The following CD302 variants were observed in gnomAD, a reference collection of about 807,000 sequenced individuals.
CD302 encodes CD302 molecule, also known as CD302 antigen.
In CD302, 23 loss-of-function variants were observed where a neutral mutation model predicts 26.5. The observed-to-expected ratio is 0.87, with a 90% confidence interval of 0.62 to 1.23. CD302 has a LOEUF of 1.23. Ranked by LOEUF, CD302 falls within the 50% of genes most tolerant of loss-of-function variation. CD302 has a pLI of 0.00. For synonymous variants in CD302, 90 were observed against 99.4 expected, an observed-to-expected ratio of 0.91 and a Z score of 0.56; for missense variants, 290 against 275.5, an observed-to-expected ratio of 1.05 and a Z score of -0.37.
intron 1 of CD302, among the ~76,000 whole-genome samples, chr2:159,787,741 T>G (rs72996690): frequency 6.6e-6 from 1 of 152,168 alleles, no homozygotes; most frequent in African/African-American, 2.4e-5. Context: ...ACTGGGATAA[T>G]TTTCCATTTG....
chr2:159,793,493 A>C (rs1708863152), intron 1 of CD302, among the ~76,000 whole-genome samples: 1 of 152,122 alleles, frequency 6.6e-6, no homozygotes, highest in Non-Finnish European at 1.5e-5. Flanking sequence ...ACTTGTTCTA[A>C]ATGTTAACAA....
At chr2:159,793,211 A>G (rs1408965752) in intron 1 of CD302, among the ~76,000 whole-genome samples, 2 of 152,160 alleles carry the variant, frequency 1.3e-5, no homozygotes, top group Admixed American at 1.3e-4. Flanking sequence ...GGGATTTTAT[A>G]ATTTTATAAT....
intron 2 of CD302, 47 bp from the exon 3 acceptor site, chr2:159,781,045 G>T: frequency 6.8e-7 from 1 of 1,479,374 alleles, no homozygotes; most frequent in Non-Finnish European, 9.3e-7. Context: ...TCCAGAATCA[G>T]TGAAAATCAC....
chr2:159,782,399 C>T (rs1279769755), intron 2 of CD302, among the ~76,000 whole-genome samples: 2 of 116,180 alleles, frequency 1.7e-5, no homozygotes, highest in Admixed American at 2.3e-4. Context: ...GGCGACAGAG[C>T]GAGACTCCAT....
chr2:159,794,526 ATTTATTT>A (rs756874075), intron 1 of CD302, among the ~76,000 whole-genome samples: 1,960 of 148,532 alleles, frequency 0.013, 19 homozygotes, highest in Admixed American at 0.015. Flanking sequence ...TAATTAATTT[ATTTATTT>A]ATTTATTTAT....
chr2:159,791,980 T>C (rs1463145414), intron 1 of CD302, among the ~76,000 whole-genome samples: 2 of 152,200 alleles, frequency 1.3e-5, no homozygotes, highest in African/African-American at 2.4e-5. Context: ...TGTAAAAAAT[T>C]AGCAGCTTAA....
intron 1 of CD302, among the ~76,000 whole-genome samples, chr2:159,784,393 T>C (rs1708607920): frequency 7.3e-6 from 1 of 136,648 alleles, no homozygotes. Flanking sequence ...TCTTGTACTG[T>C]CGTCCTGGCT....
chr2:159,784,423 T>C (rs1708609085), intron 1 of CD302, among the ~76,000 whole-genome samples: 1 of 132,712 alleles, frequency 7.5e-6, no homozygotes, highest in South Asian at 2.6e-4. Flanking sequence ...TGGCGCGATC[T>C]CAGCTCACTG....
In CD302 at chr2:159,780,143, T is replaced by C; in HGVS notation, c.331A>G (p.Thr111Ala). 1.2e-6 allele frequency: 2 copies of C among 1,614,042 alleles called. No individual in the cohort carries two copies. The highest frequency in any genetic ancestry group is 1.7e-6 in the Non-Finnish European group (2 of 1,179,958). The stretch of plus-strand genomic sequence containing the variant: ...TCTTGGTCTGTCCACTTATCAAATG[T>C]CATATTTGAATTATCAAACCACTTG... ...SFKWFDNSNM[T>A]FDKWTDQDDD... is the part of the protein sequence containing the mutation. The change falls in exon 4 of 6, where the codon ACA becomes GCA. Residue 111 changes from threonine (T) to alanine (A), a missense_variant. Transcript: ENST00000259053.
chr2:159,774,634 C>T (rs1383469774), intron 5 of CD302, among the ~76,000 whole-genome samples: 4 of 152,184 alleles, frequency 2.6e-5, no homozygotes, highest in Admixed American at 2.6e-4. Context: ...GATAACCTGT[C>T]CTCTGTCTCC....
At position 159,780,119 on chromosome 2, in the gene CD302, C is replaced by T. The variant is rs754295690; in HGVS notation, c.355G>A (p.Asp119Asn). The T allele has an allele frequency of 1.4e-5, 22 of 1,614,056 alleles. No individual in the cohort carries two copies. In the Admixed American group the frequency reaches 3.5e-4, roughly 26 times the overall value. Residue 119 changes from aspartate to asparagine, a missense_variant, in exon 4 of 6, where the codon GAT (aspartate) becomes AAT (asparagine). By Grantham distance (23) the Asp-to-Asn change is conservative. Coordinates refer to ENST00000259053, the MANE Select transcript of CD302 (RefSeq NM_014880.5). ...GTGTCAACTAAATCCTCATCATCAT[C>T]TTGGTCTGTCCACTTATCAAATGTC... ...NMTFDKWTDQDDDEDLVDTCA... is the reference protein window; with the variant it reads ...NMTFDKWTDQNDDEDLVDTCA...
chr2:159,775,907 G>GGTTTT (rs1040724078), intron 5 of CD302, among the ~76,000 whole-genome samples: 9 of 148,486 alleles, frequency 6.1e-5, no homozygotes, highest in Admixed American at 2.0e-4. Flanking sequence ...TTTTTGTGGT[G>GGTTTT]GTTTTGTTTT....
Position 159,780,998 on chromosome 2 carries a change from C to T in CD302, c.179G>A (p.Gly60Glu), listed in dbSNP as rs755125480. The change falls in exon 3 of 6, where the codon GGA (glycine) becomes GAA (glutamate). Residue 60 changes from glycine to glutamate, a missense_variant and splice_region_variant. By Grantham distance (98) the Gly-to-Glu change is moderately conservative. Coordinates refer to ENST00000259053, the MANE Select transcript of CD302 (RefSeq NM_014880.5). Reference protein sequence around the residue: ...EDVRNQCTDHGADMISIHNEE... With the variant: ...EDVRNQCTDHEADMISIHNEE... ...ATTATGTATGCTTATCATGTCCGCTCCTGAAATTATTTTAAAGAGAAAAAA... is the reference window on the plus strand; with the variant it reads ...ATTATGTATGCTTATCATGTCCGCTTCTGAAATTATTTTAAAGAGAAAAAA... 13 of 1,599,102 alleles carry T rather than the reference C, an allele frequency of 8.1e-6. No individual in the cohort carries two copies. The Middle Eastern group carries it at 1.3e-3, about 164-fold the overall frequency.
intron 2 of CD302, among the ~76,000 whole-genome samples, chr2:159,782,581 T>G (rs1205445977): frequency 6.6e-6 from 1 of 151,288 alleles, no homozygotes; most frequent in African/African-American, 2.4e-5. Flanking sequence ...AACAAACAGA[T>G]AAAATAGCTA....
In CD302 at chr2:159,769,244, C is replaced by T. The variant is rs1708054766; in HGVS notation, c.*2607G>A. The stretch of plus-strand genomic sequence containing the variant: ...GCTAGAACCAAGATGTTGAAGAAAG[C>T]AGTTTCTACATTCTGGATGTAGTAA... On this transcript the variant is annotated 3_prime_UTR_variant, in exon 6 of 6. Transcript: ENST00000259053. 1 of 152,190 alleles carries T rather than the reference C, an allele frequency of 6.6e-6. No homozygotes were observed. Among genetic ancestry groups the T allele is most frequent in the Non-Finnish European group, 1.5e-5 (1 of 68,032 alleles). The allele number at this position is 152,190 out of a possible 1,614,324, so 9.4% of individuals were successfully genotyped here.
rs773471468 is a variant in CD302 at position 159,771,917 on chromosome 2, T to C, written c.633A>G (p.Ser211=). The C allele has an allele frequency of 1.2e-6, 2 of 1,614,026 alleles. No individual in the cohort carries two copies. Among genetic ancestry groups the C allele is most frequent in the Non-Finnish European group, 1.7e-6 (2 of 1,179,920 alleles). ...FTTVFSTAPQ[S]PYNEDCVLVV... ...CCAAAACACAGTCTTCATTATAAGG[T>C]GATTGGGGTGCGGTTGAAAAAACTG... Residue 211 remains serine, a synonymous_variant, in exon 6 of 6, where the codon TCA becomes TCG. Transcript: ENST00000259053.
At chr2:159,783,506 G>A (rs766384958) in intron 1 of CD302, 37 bp from the exon 2 acceptor site, 32 of 1,497,484 alleles carry the variant, frequency 2.1e-5, no homozygotes, top group Non-Finnish European at 2.5e-5. Flanking sequence ...TAAATAACTT[G>A]AGAAAAAGAA....
intron 4 of CD302, among the ~76,000 whole-genome samples, chr2:159,779,469 A>C (rs1560043881): frequency 6.6e-6 from 1 of 152,110 alleles, no homozygotes; most frequent in Admixed American, 6.5e-5. Flanking sequence ...CTGAACAAGA[A>C]ATTTTTGACC....
chr2:159,784,283 T>C (rs1335793147), intron 1 of CD302, among the ~76,000 whole-genome samples: 2 of 151,488 alleles, frequency 1.3e-5, no homozygotes, highest in Admixed American at 6.6e-5. Context: ...GGTTTGTATA[T>C]AGGTAAAAAT....
Sources: allele counts gnomAD v4.1 joint callset (sites outside exome capture counted in the v4.1 genomes callset), GRCh38; gene constraint gnomAD v4.1.1; transcripts MANE v1.5; gene names NCBI Gene and HGNC (gene_info 2026-07-23, HGNC 2026-07-21).